FBN1: variants seen among roughly 807,000 people sequenced by gnomAD.
FBN1 encodes fibrillin 1, also known as fibrillin-1.
In FBN1, 29 loss-of-function variants were observed where a neutral mutation model predicts 365.1. That is an observed-to-expected ratio of 0.08 (90% CI 0.06 to 0.11). FBN1 has a LOEUF of 0.11. FBN1 is among the 10% of genes least tolerant of loss of function. FBN1 has a pLI of 1.00. For missense variants in FBN1, 2,476 were observed against 3,703.2 expected (o/e 0.67, Z 8.60); for synonymous variants, 1,210 against 1,270.5 (o/e 0.95, Z 1.01).
At position 48,421,543 on chromosome 15, in the gene FBN1, GA is replaced by G. The variant is rs2042941342; in HGVS notation, c.7699+14del. Reference sequence around the variant, plus strand: ...AGGATTCACCAGCTGGATCGCAGCTGAAGTCTCCACCCACCTTCACAGCTGG... The same window carrying G: ...AGGATTCACCAGCTGGATCGCAGCTGAGTCTCCACCCACCTTCACAGCTGG... On this transcript the variant is annotated intron_variant, in intron 62 of 65. Coordinates refer to ENST00000316623, the MANE Select transcript of FBN1 (RefSeq NM_000138.5). The G allele has an allele frequency of 6.2e-7, 1 of 1,610,776 alleles. No homozygotes were observed. The highest frequency in any genetic ancestry group is 1.3e-5 in the African/African-American group (1 of 74,850).
At chr15:48,533,271 TGA>T (rs1419630027) in intron 8 of FBN1, among the ~76,000 whole-genome samples, 2 of 152,230 alleles carry the variant, frequency 1.3e-5, no homozygotes, top group Non-Finnish European at 2.9e-5. Context: ...CTGATCTTGA[TGA>T]GAGATGTAGC....
chr15:48,425,330 C>T lies in FBN1; in HGVS notation c.7453+39G>A, dbSNP rs746337953. The T allele has an allele frequency of 2.5e-6, 4 of 1,613,844 alleles. No homozygotes were observed. The South Asian group carries it at 3.3e-5, about 13-fold the overall frequency. The stretch of plus-strand genomic sequence containing the variant: ...CAGGCAAAGGAATGCAGCCATGTGT[C>T]AGGAGCTAGGTGAGGGGCAATGGTC... On this transcript the variant is annotated intron_variant, in intron 60 of 65. Transcript: ENST00000316623.
intron 55 of FBN1, 60 bp downstream of exon 55, chr15:48,432,806 G>C: frequency 6.2e-7 from 1 of 1,603,410 alleles, no homozygotes; most frequent in South Asian, 1.1e-5. Context: ...AGCTTTGAGG[G>C]ACATCTCCCC....
chr15:48,492,525 C>T lies in FBN1; in HGVS notation c.2790G>A (p.Arg930=). 1.2e-6 allele frequency: 2 copies of T among 1,612,058 alleles called. No homozygotes were observed. The highest frequency in any genetic ancestry group is 1.7e-6 in the Non-Finnish European group (2 of 1,178,266). ...TGGGACACTGACACTTGAATGACCC[C>T]CTAGTGTTAACACACAGGCCATTTT... The part of the protein sequence containing the change: ...VCKNGLCVNT[R]GSFKCQCPSG... Residue 930 remains arginine, a synonymous_variant, in exon 24 of 66, where the codon AGG becomes AGA. Coordinates refer to ENST00000316623, the MANE Select transcript of FBN1 (RefSeq NM_000138.5).
chr15:48,563,526 C>A (rs771125874), intron 6 of FBN1, among the ~76,000 whole-genome samples: 3 of 152,114 alleles, frequency 2.0e-5, no homozygotes, highest in Non-Finnish European at 4.4e-5. Context: ...TACCAAGTAG[C>A]CTAAGTTCCA....
intron 40 of FBN1, among the ~76,000 whole-genome samples, 180 bp from the exon 41 acceptor site, chr15:48,464,201 G>A (rs1468311288): frequency 2.0e-5 from 3 of 152,158 alleles, no homozygotes; most frequent in African/African-American, 7.2e-5. Flanking sequence ...GCCTTTTGAG[G>A]AAAGAGGGTT....
At chr15:48,488,297 C>T (rs576697374) in intron 26 of FBN1, 56 bp from the exon 27 acceptor site, 13 of 1,612,994 alleles carry the variant, frequency 8.1e-6, no homozygotes, top group South Asian at 2.2e-5. Context: ...TTAATTCTTG[C>T]GACAATATGT....
At chr15:48,607,202 G>A (rs2466790) in intron 4 of FBN1, among the ~76,000 whole-genome samples, 11,753 of 151,900 alleles carry the variant, frequency 0.077, 503 homozygotes, top group Middle Eastern at 0.16. Flanking sequence ...AGTGTAAAGA[G>A]TAAAACAGAA....
chr15:48,577,189 T>C (rs1168912244), intron 6 of FBN1, among the ~76,000 whole-genome samples: 3 of 152,132 alleles, frequency 2.0e-5, no homozygotes, highest in Admixed American at 6.5e-5. Context: ...TTCCCAAAAA[T>C]GCTTTCATCA....
intron 6 of FBN1, among the ~76,000 whole-genome samples, chr15:48,576,664 T>C (rs1184444305): frequency 6.6e-6 from 1 of 152,192 alleles, no homozygotes; most frequent in East Asian, 1.9e-4. Context: ...CATTCATTCA[T>C]TCATTCAACA....
At chr15:48,639,830 A>C (rs1370971873) in intron 2 of FBN1, among the ~76,000 whole-genome samples, 1 of 152,218 alleles carries the variant, frequency 6.6e-6, no homozygotes, top group Non-Finnish European at 1.5e-5. Context: ...TTAAAAACAA[A>C]GAAATTGTTA....
At chr15:48,452,259 G>A (rs2043206765) in intron 45 of FBN1, among the ~76,000 whole-genome samples, 1 of 152,170 alleles carries the variant, frequency 6.6e-6, no homozygotes, top group Non-Finnish European at 1.5e-5. Context: ...GTGTGTGTGT[G>A]TAATGTGTGG....
chr15:48,624,274 G>C (rs1889829464), intron 2 of FBN1, among the ~76,000 whole-genome samples: 1 of 152,186 alleles, frequency 6.6e-6, no homozygotes, highest in Non-Finnish European at 1.5e-5. Context: ...TGGAACTCTG[G>C]ATTAAGCAGC....
chr15:48,527,912 C>T (rs1257805860), intron 8 of FBN1, among the ~76,000 whole-genome samples: 1 of 152,210 alleles, frequency 6.6e-6, no homozygotes, highest in Non-Finnish European at 1.5e-5. Flanking sequence ...CTGCCAAGGG[C>T]AGACAGAGCC....
At chr15:48,592,813 T>C (rs1236846313) in intron 6 of FBN1, among the ~76,000 whole-genome samples, 1 of 152,132 alleles carries the variant, frequency 6.6e-6, no homozygotes, top group African/African-American at 2.4e-5. Flanking sequence ...TGACAATAGG[T>C]AGTGGTGGGG....
At chr15:48,554,377 C>T (rs1282849415) in intron 6 of FBN1, among the ~76,000 whole-genome samples, 2 of 152,180 alleles carry the variant, frequency 1.3e-5, no homozygotes, top group Non-Finnish European at 2.9e-5. Flanking sequence ...TGTTCTCATA[C>T]TCCTAAATCT....
intron 4 of FBN1, among the ~76,000 whole-genome samples, chr15:48,610,038 T>C (rs1195678975): frequency 1.3e-5 from 2 of 152,186 alleles, no homozygotes; most frequent in African/African-American, 4.8e-5. Context: ...GACCTACGTT[T>C]TTTGCCATGG....
intron 2 of FBN1, among the ~76,000 whole-genome samples, chr15:48,635,629 C>T (rs1427189882): frequency 6.6e-6 from 1 of 152,042 alleles, no homozygotes; most frequent in Non-Finnish European, 1.5e-5. Context: ...TTAAAACATA[C>T]CAAAGTTAAT....
chr15:48,592,512 A>G (rs990419782), intron 6 of FBN1, among the ~76,000 whole-genome samples: 1 of 152,156 alleles, frequency 6.6e-6, no homozygotes, highest in Non-Finnish European at 1.5e-5. Flanking sequence ...CCTCACTTCA[A>G]TAATCTGATA....
Sources: gnomAD v4.1 joint callset for allele counts (sites outside exome capture counted in the v4.1 genomes callset) on GRCh38, gnomAD v4.1.1 for gene constraint, MANE v1.5 for transcripts, NCBI Gene and HGNC (gene_info 2026-07-23, HGNC 2026-07-21) for gene names.